CRYZL1: variants seen among roughly 807,000 people sequenced by gnomAD.
CRYZL1 encodes ferry endosomal RAB5 effector complex subunit 4.
A neutral mutation model predicts 50.6 loss-of-function variants in CRYZL1; 34 were observed. That is an observed-to-expected ratio of 0.67 (90% confidence interval 0.51 to 0.89). The LOEUF is 0.89. CRYZL1 is among the 40% of genes least tolerant of loss of function. CRYZL1 has a pLI of 0.00. For missense variants in CRYZL1, 354 were observed against 402.3 expected, an observed-to-expected ratio of 0.88 and a Z score of 1.03; for synonymous variants, 125 against 134.3, an observed-to-expected ratio of 0.93 and a Z score of 0.48.
chr21:33,629,947 G>C (rs1241830187), intron 2 of CRYZL1, among the ~76,000 whole-genome samples: 1 of 152,156 alleles, frequency 6.6e-6, no homozygotes. Flanking sequence ...ATGAAGGGAT[G>C]TTACATTTCA....
chr21:33,603,655 TTC>T (rs1427957897), intron 6 of CRYZL1, 118 bp from the exon 7 acceptor site: 6 of 1,043,396 alleles, frequency 5.8e-6, no homozygotes, highest in Non-Finnish European at 8.3e-6. Flanking sequence ...CCTACTCCCA[TTC>T]TCTCTCACCT....
intron 10 of CRYZL1, 83 bp from the exon 11 acceptor site, chr21:33,595,919 T>C (rs1302904042): frequency 1.1e-6 from 1 of 872,418 alleles, no homozygotes; most frequent in African/African-American, 1.7e-5. Flanking sequence ...GAAAAACTTC[T>C]ACACAAATTA....
intron 2 of CRYZL1, among the ~76,000 whole-genome samples, chr21:33,630,019 T>C (rs995999877): frequency 1.2e-4 from 19 of 152,348 alleles, no homozygotes; most frequent in Admixed American, 2.6e-4. Flanking sequence ...ATTCTGTTAA[T>C]GTGATGTATC....
In CRYZL1 at chr21:33,628,447, T is replaced by C. The variant is rs534312012; in HGVS notation, c.66+3039A>G. Among the ~76,000 whole-genome samples, 33 of 152,290 alleles carry C rather than the reference T, an allele frequency of 2.2e-4. No homozygotes were observed. The East Asian group carries it at 4.4e-3, about 20-fold the overall frequency. On this transcript the variant is annotated intron_variant, in intron 2 of 12. Transcript: ENST00000381554. Reference sequence around the variant, plus strand: ...TATTAATTCTTCCAATTAATGAACATAGACTATCTTTCCACTTATTACTGT... The same window carrying C: ...TATTAATTCTTCCAATTAATGAACACAGACTATCTTTCCACTTATTACTGT...
At chr21:33,592,100 T>C (rs926228503) in intron 11 of CRYZL1, among the ~76,000 whole-genome samples, 14 of 151,374 alleles carry the variant, frequency 9.2e-5, no homozygotes, top group Non-Finnish European at 1.8e-4. Flanking sequence ...GGTTATGCTA[T>C]TTTTTTTGTT....
chr21:33,593,752 G>A (rs1236977708), intron 11 of CRYZL1, among the ~76,000 whole-genome samples: 1 of 152,052 alleles, frequency 6.6e-6, no homozygotes, highest in Non-Finnish European at 1.5e-5. Context: ...GGAGGCTGAG[G>A]CGTGTGGATC....
chr21:33,594,666 T>C lies in CRYZL1; in HGVS notation c.904+1065A>G, dbSNP rs1237642543. The C allele has an allele frequency of 2.3e-5, 3 of 133,292 alleles. No individual in the cohort carries two copies. The Admixed American group carries it at 2.5e-4, about 11-fold the overall frequency. The allele number at this position is 133,292 out of a possible 1,614,324, so 8.3% of individuals were successfully genotyped here. A position where few individuals can be genotyped will look rare whatever the true frequency, so the allele number is the denominator to read the frequency against. On this transcript the variant is annotated intron_variant, in intron 11 of 12. Coordinates refer to ENST00000381554, the MANE Select transcript of CRYZL1 (RefSeq NM_145858.3). ...TTTTTTTTTTTTTTTTTTTTTGAGATGGAGTCTCACTCTGTCACCAGGCTG... is the reference window on the plus strand; with the variant it reads ...TTTTTTTTTTTTTTTTTTTTTGAGACGGAGTCTCACTCTGTCACCAGGCTG...
chr21:33,625,304 C>G (rs754985528), intron 2 of CRYZL1, among the ~76,000 whole-genome samples: 12 of 151,806 alleles, frequency 7.9e-5, no homozygotes, highest in Non-Finnish European at 1.0e-4. Context: ...TACAGGCACC[C>G]GCCACCATGC....
chr21:33,636,238 A>G (rs1237478904), intron 1 of CRYZL1, among the ~76,000 whole-genome samples: 2 of 151,970 alleles, frequency 1.3e-5, no homozygotes, highest in African/African-American at 4.8e-5. Flanking sequence ...CTTAAAATAC[A>G]ATAAATAAAT....
intron 5 of CRYZL1, 34 bp downstream of exon 5, chr21:33,616,672 A>T (rs1400123891): frequency 6.2e-7 from 1 of 1,607,716 alleles, no homozygotes; most frequent in African/African-American, 1.3e-5. Flanking sequence ...GGTAAAATAG[A>T]TGACTTGAAA....
At chr21:33,639,918 C>T (rs1431065263) in intron 1 of CRYZL1, 2 of 315,668 alleles carry the variant, frequency 6.3e-6, no homozygotes, top group South Asian at 4.7e-5. Context: ...CTCCGCCTCC[C>T]GGGTTCAAGC....
chr21:33,616,078 C>G (rs995295864), intron 5 of CRYZL1, among the ~76,000 whole-genome samples: 1 of 152,026 alleles, frequency 6.6e-6, no homozygotes, highest in African/African-American at 2.4e-5. Context: ...CTATCCCTCC[C>G]CCCCCCAACC....
chr21:33,626,688 C>A (rs1280784104), intron 2 of CRYZL1, among the ~76,000 whole-genome samples: 2 of 149,872 alleles, frequency 1.3e-5, no homozygotes, highest in South Asian at 2.1e-4. Flanking sequence ...CAGAGCGAGA[C>A]CCTGTCTCAA....
intron 11 of CRYZL1, chr21:33,591,554 A>T: frequency 3.3e-6 from 1 of 305,166 alleles, no homozygotes; most frequent in African/African-American, 2.1e-5. Flanking sequence ...ATTTTTAGTT[A>T]AAAACAATTT....
intron 6 of CRYZL1, among the ~76,000 whole-genome samples, chr21:33,608,288 C>G (rs2086835091): frequency 6.6e-6 from 1 of 152,154 alleles, no homozygotes; most frequent in Non-Finnish European, 1.5e-5. Flanking sequence ...AACCCCGTCT[C>G]TACTAAAAAT....
At chr21:33,628,651 G>A (rs992112623) in intron 2 of CRYZL1, among the ~76,000 whole-genome samples, 1 of 150,854 alleles carries the variant, frequency 6.6e-6, no homozygotes, top group Non-Finnish European at 1.5e-5. Context: ...GCCCAGACTG[G>A]GGTGCAGTGT....
rs2086937385 is a variant in CRYZL1, at chr21:33,616,691, T to C, written c.262+15A>G. 2 of 1,610,376 alleles carry C rather than the reference T, an allele frequency of 1.2e-6. No homozygotes were observed. The highest frequency in any genetic ancestry group is 1.7e-6 in the Non-Finnish European group (2 of 1,178,118). The stretch of plus-strand genomic sequence containing the variant: ...AAATAGATGACTTGAAATAAGACTA[T>C]GAACTATAACTTACCAACTACTTCA... On this transcript the variant is annotated intron_variant, in intron 5 of 12. Transcript: ENST00000381554.
intron 6 of CRYZL1, among the ~76,000 whole-genome samples, chr21:33,611,606 T>G (rs1293130224): frequency 6.6e-6 from 1 of 152,174 alleles, no homozygotes; most frequent in Non-Finnish European, 1.5e-5. Context: ...AGAGATCACA[T>G]TATTTAAGAA....
intron 11 of CRYZL1, among the ~76,000 whole-genome samples, chr21:33,593,613 C>T (rs549158859): frequency 2.0e-5 from 3 of 152,218 alleles, no homozygotes; most frequent in Non-Finnish European, 2.9e-5. Flanking sequence ...GCCTTCTCAT[C>T]GGGAGAGGTG....
Sources: allele counts gnomAD v4.1 joint callset (sites outside exome capture counted in the v4.1 genomes callset), GRCh38; gene constraint gnomAD v4.1.1; transcripts MANE v1.5; gene names NCBI Gene and HGNC (gene_info 2026-07-23, HGNC 2026-07-21).